LRP1: variants seen among roughly 807,000 people sequenced by gnomAD.
LRP1 encodes the protein prolow-density lipoprotein receptor-related protein 1.
LRP1 carries 51 observed loss-of-function variants against 541.5 expected under a neutral mutation model. The observed-to-expected ratio is 0.09, with a 90% confidence interval of 0.08 to 0.12. LRP1 has a LOEUF of 0.12. LRP1 is among the 10% of genes least tolerant of loss of function. The probability of loss-of-function intolerance (pLI) is 1.00; values close to 1 mark genes in which losing one functional copy is unlikely to be tolerated. For synonymous variants in LRP1, 2,219 were observed against 2,470.8 expected, an observed-to-expected ratio of 0.90 and a Z score of 3.02; for missense variants, 3,878 against 6,376.2, an observed-to-expected ratio of 0.61 and a Z score of 13.34.
Position 57,206,349 on chromosome 12 carries a change from C to A in LRP1, c.11591-124C>A. ...AACCCTGAGCAGGGAGGGTAAGCAG[C>A]AGCTTCTGGCCGGAGCAGATGGTCC... is the stretch of plus-strand genomic sequence containing the variant. On this transcript the variant is annotated intron_variant, in intron 75 of 88. Coordinates refer to ENST00000243077, the MANE Select transcript of LRP1 (RefSeq NM_002332.3). The surrounding 1 kb of genome is among the most constrained non-coding windows in gnomAD (Gnocchi z 4.7). 9.9e-7 allele frequency: 1 copy of A among 1,006,358 alleles called. No homozygotes were observed. The highest frequency in any genetic ancestry group is 1.5e-6 in the Non-Finnish European group (1 of 677,428). 62.3% of individuals were successfully genotyped at this position (1,006,358 alleles called of 1,614,324 possible).
At chr12:57,140,625 A>G (rs780786017) in intron 2 of LRP1, among the ~76,000 whole-genome samples, 1 of 151,824 alleles carries the variant, frequency 6.6e-6, no homozygotes, top group Non-Finnish European at 1.5e-5. Context: ...ATTTGGCACC[A>G]CTCTTGGCCC....
intron 20 of LRP1, among the ~76,000 whole-genome samples, chr12:57,171,057 G>A (rs1466954236): frequency 6.6e-6 from 1 of 152,168 alleles, no homozygotes; most frequent in Non-Finnish European, 1.5e-5. Flanking sequence ...CTCTGTGAAG[G>A]GGAGGGTGAG....
At chr12:57,163,004 T>C in intron 15 of LRP1, 21 bp downstream of exon 15, 1 of 1,588,144 alleles carries the variant, frequency 6.3e-7, no homozygotes, top group Admixed American at 1.8e-5. Context: ...CCTGGCTGGG[T>C]GGGAGTGGGA....
chr12:57,160,358 C>G (rs942078000), intron 12 of LRP1, among the ~76,000 whole-genome samples: 5 of 152,152 alleles, frequency 3.3e-5, no homozygotes, highest in African/African-American at 1.2e-4. Context: ...TCTGTCCCCA[C>G]TGCCTGCTGT....
At chr12:57,161,519 G>A (rs1002025617) in intron 13 of LRP1, among the ~76,000 whole-genome samples, 2 of 152,016 alleles carry the variant, frequency 1.3e-5, no homozygotes, top group African/African-American at 2.4e-5. Context: ...TGGTCATTTG[G>A]GTTGTCATGT....
chr12:57,187,416 G>A lies in LRP1; in HGVS notation c.6991G>A (p.Asp2331Asn). The stretch of plus-strand genomic sequence containing the variant: ...TGAGACCGTCATCACTATGTCTGGA[G>A]ATGACCACCCACGGGCCTTCGTTTT... ...ERETVITMSG[D>N]DHPRAFVLDE... Residue 2331 changes from aspartate (D) to asparagine (N), a missense_variant, in exon 42 of 89, where the codon GAT becomes AAT. This residue lies in a region of LRP1 where 1,100 missense variants were observed against 1,827.4 expected (regional missense o/e 0.60). Coordinates refer to ENST00000243077, the MANE Select transcript of LRP1 (RefSeq NM_002332.3). The A allele has an allele frequency of 6.2e-7, 1 of 1,614,148 alleles. No homozygotes were observed. Among genetic ancestry groups the A allele is most frequent in the Non-Finnish European group, 8.5e-7 (1 of 1,180,020 alleles).
At position 57,201,388 on chromosome 12, in the gene LRP1, A is replaced by C; in HGVS notation, c.10346-109A>C. 6.7e-7 allele frequency: 1 copy of C among 1,488,546 alleles called. No homozygotes were observed. Among genetic ancestry groups the C allele is most frequent in the Non-Finnish European group, 9.1e-7 (1 of 1,102,730 alleles). The allele number at this position is 1,488,546 out of a possible 1,614,324, so 92.2% of individuals were successfully genotyped here. On this transcript the variant is annotated intron_variant, in intron 65 of 88. Coordinates refer to ENST00000243077, the MANE Select transcript of LRP1 (RefSeq NM_002332.3). This position sits in a 1 kb window ranked among gnomAD's most constrained non-coding sequence, Gnocchi z 6.4. Reference sequence around the variant, plus strand: ...GGATAAACTGTTCCTTCCTCCGAAGAAGTTGCTGGCAGGACCAAGGCCAGG... The same window carrying C: ...GGATAAACTGTTCCTTCCTCCGAAGCAGTTGCTGGCAGGACCAAGGCCAGG...
rs1208921863 is a variant in LRP1, at chr12:57,173,684, C to G, written c.3347-96C>G. Reference sequence around the variant, plus strand: ...CTCGTGGACCCCACAGCGTTGCAATCCTGACCCTATTAGAGAAGCCCACAG... The same window carrying G: ...CTCGTGGACCCCACAGCGTTGCAATGCTGACCCTATTAGAGAAGCCCACAG... On this transcript the variant is annotated intron_variant, in intron 21 of 88. Coordinates refer to ENST00000243077, the MANE Select transcript of LRP1 (RefSeq NM_002332.3). The surrounding 1 kb of genome is among the most constrained non-coding windows in gnomAD (Gnocchi z 4.7). The G allele has an allele frequency of 1.0e-5, 14 of 1,346,106 alleles. No homozygotes were observed. The Admixed American group carries it at 1.4e-4, about 13-fold the overall frequency. 83.4% of individuals were successfully genotyped at this position (1,346,106 alleles called of 1,614,324 possible). A position where few individuals can be genotyped will look rare whatever the true frequency, so the allele number is the denominator to read the frequency against.
rs762598842 is a variant in LRP1, at chr12:57,185,107, G to A, written c.6365G>A (p.Arg2122His). ...DRTHANGSIK[R>H]GSKDNATDSV... is the part of the protein sequence containing the mutation. ...ACTCATGCCAACGGCTCTATCAAGC[G>A]CGGGAGCAAAGACAATGCCACAGAC... The change falls in exon 40 of 89, where the codon CGC becomes CAC. Residue 2122 changes from arginine (R) to histidine (H), a missense_variant. Arg to His is a conservative substitution (Grantham distance 29, BLOSUM62 0). Coordinates refer to ENST00000243077, the MANE Select transcript of LRP1 (RefSeq NM_002332.3). This position sits in a 1 kb window ranked among gnomAD's most constrained non-coding sequence, Gnocchi z 4.9. 4 of 1,614,078 alleles carry A rather than the reference G, an allele frequency of 2.5e-6. No individual in the cohort carries two copies. The highest frequency in any genetic ancestry group is 3.4e-6 in the Non-Finnish European group (4 of 1,180,020).
chr12:57,202,762 A>G, intron 68 of LRP1: 1 of 595,036 alleles, frequency 1.7e-6, no homozygotes, highest in Non-Finnish European at 3.0e-6. Context: ...GGGGTTGCAG[A>G]GGTAGGTGTC....
rs373929083 is a variant in LRP1, at chr12:57,179,288, G to C, written c.4739-41G>C. On this transcript the variant is annotated intron_variant, in intron 28 of 88. Transcript: ENST00000243077. The surrounding 1 kb of genome is among the most constrained non-coding windows in gnomAD (Gnocchi z 6.8). ...TGAAACCGGATTGGTGGGAAGCACA[G>C]AGGCAGGGACTGCCTTCAGTGACCA... is the stretch of plus-strand genomic sequence containing the variant. The C allele has an allele frequency of 1.4e-5, 20 of 1,458,502 alleles. No homozygotes were observed. The African/African-American group carries it at 2.6e-4, about 19-fold the overall frequency. The allele number at this position is 1,458,502 out of a possible 1,614,324, so 90.3% of individuals were successfully genotyped here.
chr12:57,167,680 G>C (rs573222358), intron 19 of LRP1, among the ~76,000 whole-genome samples, 156 bp downstream of exon 19: 1 of 152,346 alleles, frequency 6.6e-6, no homozygotes, highest in South Asian at 2.1e-4. Context: ...GGAGAAGTCA[G>C]AAATGCCTGG....
In LRP1 at chr12:57,156,155, A is replaced by G. The variant is rs2035614434; in HGVS notation, c.1289A>G (p.Asn430Ser). The change falls in exon 9 of 89, where the codon AAT becomes AGT. Residue 430 changes from asparagine to serine, a missense_variant. By Grantham distance (46) the Asn-to-Ser change is conservative. Coordinates refer to ENST00000243077, the MANE Select transcript of LRP1 (RefSeq NM_002332.3). This position sits in a 1 kb window ranked among gnomAD's most constrained non-coding sequence, Gnocchi z 5.2. ...TATCTCTATGCCACCAACTCGGACA[A>G]TGCCAATGCCCAGCAGAAGACGAGT... ...ENYLYATNSD[N>S]ANAQQKTSVI... is the part of the protein sequence containing the mutation. The G allele has an allele frequency of 1.2e-6, 2 of 1,614,036 alleles. No individual in the cohort carries two copies. Among genetic ancestry groups the G allele is most frequent in the East Asian group, 2.2e-5 (1 of 44,832 alleles).
At chr12:57,137,204 G>A (rs977356518) in intron 1 of LRP1, among the ~76,000 whole-genome samples, 14 of 150,168 alleles carry the variant, frequency 9.3e-5, no homozygotes, top group African/African-American at 2.9e-4. Context: ...TCGTGCCATT[G>A]CACTCCAGCC....
At position 57,156,012 on chromosome 12, in the gene LRP1, TG is replaced by T; in HGVS notation, c.1228-80del. 8.9e-7 allele frequency: 1 copy of T among 1,117,736 alleles called. No individual in the cohort carries two copies. The highest frequency in any genetic ancestry group is 1.3e-6 in the Non-Finnish European group (1 of 757,114). The allele number at this position is 1,117,736 out of a possible 1,614,324, so 69.2% of individuals were successfully genotyped here. On this transcript the variant is annotated intron_variant, in intron 8 of 88. Transcript: ENST00000243077. This position sits in a 1 kb window ranked among gnomAD's most constrained non-coding sequence, Gnocchi z 5.2. ...ATTGGGGAATGCAGGTCATGAAGTC[TG>T]GAGGAAGCTGAGGGGATCTCCAGGA...
Position 57,165,230 on chromosome 12 carries a change from G to C in LRP1, c.2531-575G>C, listed in dbSNP as rs190352000. Reference sequence around the variant, plus strand: ...CGCCCAGCTGTGAGGTCTGGAGACCGGGCTCACACAGGAGCCTGCACTTGT... The same window carrying C: ...CGCCCAGCTGTGAGGTCTGGAGACCCGGCTCACACAGGAGCCTGCACTTGT... On this transcript the variant is annotated intron_variant, in intron 15 of 88. Transcript: ENST00000243077. This position sits in a 1 kb window ranked among gnomAD's most constrained non-coding sequence, Gnocchi z 4.5. The C allele has an allele frequency of 2.2e-3, 332 of 152,722 alleles. No homozygotes were observed. The highest frequency in any genetic ancestry group is 0.014 in the Middle Eastern group (4 of 294). The allele number at this position is 152,722 out of a possible 1,614,324, so 9.5% of individuals were successfully genotyped here.
chr12:57,137,032 G>A (rs1435370425), intron 1 of LRP1, among the ~76,000 whole-genome samples: 1 of 152,110 alleles, frequency 6.6e-6, no homozygotes, highest in Admixed American at 6.5e-5. Flanking sequence ...AGATGAGGTT[G>A]GGAGTTCGAG....
intron 2 of LRP1, among the ~76,000 whole-genome samples, chr12:57,140,981 G>A (rs375911366): frequency 3.9e-5 from 6 of 152,182 alleles, no homozygotes; most frequent in South Asian, 4.1e-4. Flanking sequence ...TGATCTGCCC[G>A]CCTCAGCCTC....
At position 57,179,185 on chromosome 12, in the gene LRP1, G is replaced by T; in HGVS notation, c.4739-144G>T. On this transcript the variant is annotated intron_variant, in intron 28 of 88. Coordinates refer to ENST00000243077, the MANE Select transcript of LRP1 (RefSeq NM_002332.3). The surrounding 1 kb of genome is among the most constrained non-coding windows in gnomAD (Gnocchi z 6.8). ...TGAGAAGGGGCTGCAGGTCTGCCAG[G>T]GGGGCTGCACCCAGCGGGGTATGTC... 2 of 1,188,012 alleles carry T rather than the reference G, an allele frequency of 1.7e-6. No individual in the cohort carries two copies. The highest frequency in any genetic ancestry group is 1.5e-5 in the African/African-American group (1 of 65,722). The allele number at this position is 1,188,012 out of a possible 1,614,324, so 73.6% of individuals were successfully genotyped here.
Sources: allele counts gnomAD v4.1 joint callset (sites outside exome capture counted in the v4.1 genomes callset), GRCh38; gene constraint gnomAD v4.1.1; regional missense constraint gnomAD v4.1.1; non-coding constraint Gnocchi (gnomAD v3.1); transcripts MANE v1.5; gene names NCBI Gene and HGNC (gene_info 2026-07-23, HGNC 2026-07-21).